MAMDC2: variants seen among roughly 807,000 people sequenced by gnomAD.
The protein encoded by MAMDC2 is MAM domain-containing protein 2.
MAMDC2 carries 57 observed loss-of-function variants against 89.8 expected under a neutral mutation model. That is an observed-to-expected ratio of 0.63 (90% confidence interval 0.51 to 0.79). The LOEUF (loss-of-function observed/expected upper bound fraction) is 0.79. Ranked by LOEUF, MAMDC2 falls within the 30% of genes least tolerant of loss-of-function variation. The pLI is 0.00. For missense variants in MAMDC2, 800 were observed against 820.6 expected, an observed-to-expected ratio of 0.97 and a Z score of 0.31; for synonymous variants, 313 against 293.4, an observed-to-expected ratio of 1.07 and a Z score of -0.68.
In MAMDC2 at chr9:70,043,997, G is replaced by A. The variant is rs555135154; in HGVS notation, c.-201G>A. 1.6e-6 allele frequency: 1 copy of A among 627,244 alleles called. No individual in the cohort carries two copies. The highest frequency in any genetic ancestry group is 2.9e-5 in the Admixed American group (1 of 35,082). 38.9% of individuals were successfully genotyped at this position (627,244 alleles called of 1,614,324 possible). A position where few individuals can be genotyped will look rare whatever the true frequency, so the allele number is the denominator to read the frequency against. On this transcript the variant is annotated 5_prime_UTR_variant, in exon 1 of 14. Transcript: ENST00000377182. The stretch of plus-strand genomic sequence containing the variant: ...GCCGGGGCGCTGGCGCTCTCCATTC[G>A]AGCACCTTCCAGCATACCGCTCGGC...
rs1826672176 is a variant in MAMDC2, at chr9:70,044,114, C to A, written c.-84C>A. ...TTGGGTCCCCGGCGCCCCCGCCTCC[C>A]ACGATCCCTTTCACTAGGAGCAGCC... On this transcript the variant is annotated 5_prime_UTR_variant, in exon 1 of 14. Coordinates refer to ENST00000377182, the MANE Select transcript of MAMDC2 (RefSeq NM_153267.5). 1.3e-6 allele frequency: 2 copies of A among 1,550,720 alleles called. No homozygotes were observed. Among genetic ancestry groups the A allele is most frequent in the South Asian group, 2.2e-5 (2 of 89,414 alleles).
At chr9:70,162,240 T>G (rs1467466536) in intron 9 of MAMDC2, among the ~76,000 whole-genome samples, 2 of 152,206 alleles carry the variant, frequency 1.3e-5, no homozygotes, top group African/African-American at 2.4e-5. Context: ...GTTTAGTTCT[T>G]TAACACAAAC....
chr9:70,179,748 G>A (rs1195338403), intron 11 of MAMDC2, among the ~76,000 whole-genome samples: 1 of 139,666 alleles, frequency 7.2e-6, no homozygotes, highest in African/African-American at 2.7e-5. Flanking sequence ...GTAGAAAGAT[G>A]AAGAAAAATA....
At chr9:70,221,384 G>T (rs370727313) in intron 12 of MAMDC2, among the ~76,000 whole-genome samples, 457 of 22,276 alleles carry the variant, frequency 0.021, 22 homozygotes, top group Non-Finnish European at 0.03. Flanking sequence ...TATATATAGA[G>T]AGAGAGAGAG....
chr9:70,150,977 CT>C (rs1320589458), intron 9 of MAMDC2, among the ~76,000 whole-genome samples: 12 of 152,198 alleles, frequency 7.9e-5, no homozygotes, highest in African/African-American at 2.7e-4. Flanking sequence ...TTTTGAGGTC[CT>C]GCACAGTTGG....
chr9:70,150,159 C>A (rs2031539801), intron 9 of MAMDC2, among the ~76,000 whole-genome samples: 1 of 152,218 alleles, frequency 6.6e-6, no homozygotes, highest in African/African-American at 2.4e-5. Context: ...AGCTATGACA[C>A]CCAAACCTAC....
Position 70,134,287 on chromosome 9 carries a change from G to GC in MAMDC2, c.994+2681dup, listed in dbSNP as rs369245606. 7.6e-3 allele frequency among the ~76,000 whole-genome samples: 748 copies of GC among 98,228 alleles called. 8 individuals carry two copies. Among genetic ancestry groups the GC allele is most frequent in the African/African-American group, 0.029 (715 of 24,710 alleles). The allele number at this position is 98,228 out of a possible 152,430, so 64.4% of individuals were successfully genotyped here. A position where few individuals can be genotyped will look rare whatever the true frequency, so the allele number is the denominator to read the frequency against. On this transcript the variant is annotated intron_variant, in intron 7 of 13. Coordinates refer to ENST00000377182, the MANE Select transcript of MAMDC2 (RefSeq NM_153267.5). ...ATGTCATGTGGCCCTCCAATGAACT[G>GC]CCCCCCACACCCGGTGCTTCCAGAG...
chr9:70,081,065 G>A (rs1827640715), intron 2 of MAMDC2, among the ~76,000 whole-genome samples: 1 of 152,148 alleles, frequency 6.6e-6, no homozygotes, highest in African/African-American at 2.4e-5. Flanking sequence ...ACATAGGGCT[G>A]AAAATTACCT....
At chr9:70,048,427 C>T (rs551757772) in intron 2 of MAMDC2, among the ~76,000 whole-genome samples, 1 of 152,162 alleles carries the variant, frequency 6.6e-6, no homozygotes, top group African/African-American at 2.4e-5. Flanking sequence ...ACCTGTAGTA[C>T]CATCTACTCA....
At chr9:70,123,406 G>T (rs1358172239) in intron 5 of MAMDC2, among the ~76,000 whole-genome samples, 2 of 152,058 alleles carry the variant, frequency 1.3e-5, no homozygotes, top group African/African-American at 4.8e-5. Flanking sequence ...CATATCAGAG[G>T]TTCTTTGATT....
rs575856301 is a variant in MAMDC2, at chr9:70,113,256, A to G, written c.643+124A>G. On this transcript the variant is annotated intron_variant, in intron 5 of 13. Coordinates refer to ENST00000377182, the MANE Select transcript of MAMDC2 (RefSeq NM_153267.5). ...GAAGAGAGGAGGGAGGAGGGTGAGTAGGAACTAAGTAGGAACCAGGAGGTG... is the reference window on the plus strand; with the variant it reads ...GAAGAGAGGAGGGAGGAGGGTGAGTGGGAACTAAGTAGGAACCAGGAGGTG... 1.6e-4 allele frequency: 174 copies of G among 1,101,164 alleles called. No individual in the cohort carries two copies. The African/African-American group carries it at 2.5e-3, about 16-fold the overall frequency. The allele number at this position is 1,101,164 out of a possible 1,614,324, so 68.2% of individuals were successfully genotyped here.
At chr9:70,173,450 T>C (rs1368966359) in intron 11 of MAMDC2, among the ~76,000 whole-genome samples, 1 of 152,152 alleles carries the variant, frequency 6.6e-6, no homozygotes, top group Non-Finnish European at 1.5e-5. Context: ...ACTAACCAAT[T>C]AATTATTGAG....
At chr9:70,053,450 T>C (rs988114020) in intron 2 of MAMDC2, among the ~76,000 whole-genome samples, 1 of 152,224 alleles carries the variant, frequency 6.6e-6, no homozygotes, top group Non-Finnish European at 1.5e-5. Flanking sequence ...TTGGAGGACA[T>C]AGTACATGAG....
chr9:70,176,130 C>T (rs1183892460), intron 11 of MAMDC2, among the ~76,000 whole-genome samples: 10 of 152,184 alleles, frequency 6.6e-5, no homozygotes, highest in African/African-American at 9.7e-5. Context: ...GACAACCAAG[C>T]CCTGTCCTGC....
In MAMDC2 at chr9:70,131,504, C is replaced by T; in HGVS notation, c.901-15C>T. The T allele has an allele frequency of 2.5e-6, 4 of 1,570,472 alleles. No homozygotes were observed. The highest frequency in any genetic ancestry group is 3.5e-6 in the Non-Finnish European group (4 of 1,157,378). The stretch of plus-strand genomic sequence containing the variant: ...AATATGTGAACATGTGACAGCATGC[C>T]ATTTTCCTCTGCAGGTTATTTTTGA... On this transcript the variant is annotated splice_polypyrimidine_tract_variant and intron_variant, in intron 6 of 13. Coordinates refer to ENST00000377182, the MANE Select transcript of MAMDC2 (RefSeq NM_153267.5).
At chr9:70,166,117 T>A (rs550065678) in intron 9 of MAMDC2, among the ~76,000 whole-genome samples, 285 of 152,134 alleles carry the variant, frequency 1.9e-3, no homozygotes, top group African/African-American at 6.6e-3. Context: ...GGCACATGCC[T>A]GTAATCCCAG....
At chr9:70,048,027 A>G (rs1380927292) in intron 2 of MAMDC2, among the ~76,000 whole-genome samples, 1 of 151,790 alleles carries the variant, frequency 6.6e-6, no homozygotes, top group African/African-American at 2.4e-5. Flanking sequence ...ATTTATCCCA[A>G]TGGCAGTTTC....
chr9:70,055,907 T>G (rs1273062232), intron 2 of MAMDC2, among the ~76,000 whole-genome samples: 1 of 152,216 alleles, frequency 6.6e-6, no homozygotes, highest in Non-Finnish European at 1.5e-5. Context: ...ATAAATGTGC[T>G]TTTGCAAGCT....
chr9:70,126,521 C>T (rs1291199545), intron 6 of MAMDC2, 106 bp downstream of exon 6: 6 of 1,191,702 alleles, frequency 5.0e-6, no homozygotes, highest in African/African-American at 1.5e-5. Flanking sequence ...CTCAGTCTGT[C>T]TTTTCTGCTG....
Sources: gnomAD v4.1 joint callset for allele counts (sites outside exome capture counted in the v4.1 genomes callset) on GRCh38, gnomAD v4.1.1 for gene constraint, MANE v1.5 for transcripts, NCBI Gene and HGNC (gene_info 2026-07-23, HGNC 2026-07-21) for gene names.